Variants in KCNMA1 observed in about 807,000 individuals in gnomAD.
KCNMA1 encodes potassium calcium-activated channel subfamily M alpha 1.
A neutral mutation model predicts 140.0 loss-of-function variants in KCNMA1; 29 were observed. The ratio of observed to expected loss-of-function variants is 0.21; its 90% CI spans 0.15 to 0.28. KCNMA1 has a LOEUF of 0.28. Ranked by LOEUF, KCNMA1 falls within the 10% of genes least tolerant of loss-of-function variation. KCNMA1 has a pLI of 1.00. For missense variants in KCNMA1, 880 were observed against 1,602.2 expected (o/e 0.55, Z 7.70); for synonymous variants, 612 against 611.9 (o/e 1.00, Z 0.00).
intron 3 of KCNMA1, among the ~76,000 whole-genome samples, chr10:77,197,888 G>T (rs1016958849): frequency 6.6e-6 from 1 of 152,146 alleles, no homozygotes; most frequent in Non-Finnish European, 1.5e-5. Flanking sequence ...GCAGAAAAAT[G>T]TTCAAACCAC....
intron 1 of KCNMA1, among the ~76,000 whole-genome samples, chr10:77,438,090 T>A (rs1024284622): frequency 6.6e-6 from 1 of 152,106 alleles, no homozygotes; most frequent in African/African-American, 2.4e-5. Flanking sequence ...AGAGATGGGA[T>A]CCCACTGTGT....
At chr10:77,241,718 C>T (rs981775438) in intron 3 of KCNMA1, among the ~76,000 whole-genome samples, 1 of 152,148 alleles carries the variant, frequency 6.6e-6, no homozygotes, top group South Asian at 2.1e-4. Context: ...GAGACTGAGA[C>T]TGAAGGATCA....
intron 1 of KCNMA1, among the ~76,000 whole-genome samples, chr10:77,429,795 G>A (rs1196954618): frequency 6.6e-6 from 1 of 151,742 alleles, no homozygotes; most frequent in Non-Finnish European, 1.5e-5. Context: ...ATGTTAATAT[G>A]TATCTATCAT....
At chr10:77,098,037 G>T (rs777470900) in intron 9 of KCNMA1, among the ~76,000 whole-genome samples, 3 of 152,194 alleles carry the variant, frequency 2.0e-5, no homozygotes, top group African/African-American at 4.8e-5. Flanking sequence ...GCATCTTATC[G>T]CATGCAGACA....
chr10:77,637,779 G>A lies in KCNMA1; in HGVS notation c.-137C>T, dbSNP rs1316286311. Reference sequence around the variant, plus strand: ...CCGCCGCGGAGCGCGGGAGGGGGGCGGGGAGGCGCCTGGGCTCGGGGCGCT... The same window carrying A: ...CCGCCGCGGAGCGCGGGAGGGGGGCAGGGAGGCGCCTGGGCTCGGGGCGCT... On this transcript the variant is annotated 5_prime_UTR_variant, in exon 1 of 28. Transcript: ENST00000286628. The A allele has an allele frequency of 1.6e-6, 2 of 1,290,260 alleles. No homozygotes were observed. The highest frequency in any genetic ancestry group is 1.9e-6 in the Non-Finnish European group (2 of 1,028,436). The allele number at this position is 1,290,260 out of a possible 1,614,324, so 79.9% of individuals were successfully genotyped here. A position where few individuals can be genotyped will look rare whatever the true frequency, so the allele number is the denominator to read the frequency against.
chr10:77,481,327 TG>T (rs2098393043), intron 1 of KCNMA1, among the ~76,000 whole-genome samples: 1 of 152,150 alleles, frequency 6.6e-6, no homozygotes, highest in East Asian at 1.9e-4. Flanking sequence ...GTTGATGGAC[TG>T]GTCAGTTGAT....
At chr10:77,634,915 G>A (rs2093601045) in intron 1 of KCNMA1, 1 of 152,418 alleles carries the variant, frequency 6.6e-6, no homozygotes, top group South Asian at 2.1e-4. Context: ...TATGGCTTAA[G>A]TGAGCAAATC....
chr10:77,133,798 C>G (rs996020545), intron 5 of KCNMA1, among the ~76,000 whole-genome samples: 1 of 152,112 alleles, frequency 6.6e-6, no homozygotes, highest in African/African-American at 2.4e-5. Context: ...TAGGAACACA[C>G]ATTCTTTAAT....
At position 77,047,735 on chromosome 10, in the gene KCNMA1, C is replaced by A. The variant is rs941618614; in HGVS notation, c.1750-8098G>T. On this transcript the variant is annotated intron_variant, in intron 14 of 27. Coordinates refer to ENST00000286628, the MANE Select transcript of KCNMA1 (RefSeq NM_001161352.2). Reference sequence around the variant, plus strand: ...TTCAGAGAGGAATTTGGTTTTGCAACCTTGCTAATAGTAAAGAACATATTT... The same window carrying A: ...TTCAGAGAGGAATTTGGTTTTGCAAACTTGCTAATAGTAAAGAACATATTT... 8.6e-5 allele frequency among the ~76,000 whole-genome samples: 13 copies of A among 151,856 alleles called. 1 individual carries two copies. Among genetic ancestry groups the A allele is most frequent in the Admixed American group, 8.5e-4 (13 of 15,250 alleles).
chr10:77,370,772 T>C (rs1443588361), intron 2 of KCNMA1, among the ~76,000 whole-genome samples: 1 of 152,200 alleles, frequency 6.6e-6, no homozygotes, highest in East Asian at 1.9e-4. Context: ...GGAAAAGACT[T>C]GGCCTTTGAA....
chr10:77,636,433 C>T, intron 1 of KCNMA1: 2 of 1,536,190 alleles, frequency 1.3e-6, no homozygotes, highest in Non-Finnish European at 8.7e-7. Context: ...GGAAGACGCT[C>T]CGCGTAAAAC....
intron 2 of KCNMA1, among the ~76,000 whole-genome samples, chr10:77,335,786 T>C (rs973970806): frequency 9.9e-5 from 15 of 152,168 alleles, no homozygotes; most frequent in African/African-American, 3.6e-4. Context: ...ACCAAGGCTC[T>C]AGGAGGTTAA....
intron 5 of KCNMA1, among the ~76,000 whole-genome samples, chr10:77,177,529 G>A (rs927567155): frequency 2.9e-5 from 4 of 135,676 alleles, no homozygotes; most frequent in Admixed American, 2.3e-4. Context: ...TTCTTTAGCA[G>A]GGTCTTACTA....
chr10:76,886,048 T>C lies in KCNMA1; in HGVS notation c.*1218A>G, dbSNP rs2151650328. 1.0e-6 allele frequency: 1 copy of C among 985,464 alleles called. No homozygotes were observed. The highest frequency in any genetic ancestry group is 6.1e-5 in the Admixed American group (1 of 16,292). The allele number at this position is 985,464 out of a possible 1,614,324, so 61.0% of individuals were successfully genotyped here. A position where few individuals can be genotyped will look rare whatever the true frequency, so the allele number is the denominator to read the frequency against. On this transcript the variant is annotated 3_prime_UTR_variant, in exon 28 of 28. Transcript: ENST00000286628. ...ATTGGGACAGCCAGCACCGCACAGC[T>C]GTGCCAACAGTTGAAGGTGGTGGCT...
intron 3 of KCNMA1, among the ~76,000 whole-genome samples, chr10:77,227,413 C>T (rs949015414): frequency 2.6e-5 from 4 of 152,122 alleles, no homozygotes; most frequent in African/African-American, 9.7e-5. Flanking sequence ...ATTATGACAT[C>T]AATGCTATAC....
intron 1 of KCNMA1, chr10:77,636,958 C>G: frequency 1.4e-6 from 2 of 1,414,454 alleles, no homozygotes; most frequent in Non-Finnish European, 1.8e-6. Context: ...CCACGGCACC[C>G]GAGCCTGTGA....
intron 19 of KCNMA1, among the ~76,000 whole-genome samples, chr10:76,973,697 C>T (rs538937284): frequency 2.9e-4 from 44 of 152,270 alleles, no homozygotes; most frequent in African/African-American, 9.4e-4. Flanking sequence ...GCAAAAGCAA[C>T]GTCTTCCAGA....
intron 2 of KCNMA1, among the ~76,000 whole-genome samples, chr10:77,302,352 A>G (rs1275559928): frequency 6.6e-6 from 1 of 152,008 alleles, no homozygotes; most frequent in Non-Finnish European, 1.5e-5. Context: ...CACTTAATTA[A>G]TGGTGTCCTG....
chr10:77,067,339 C>T (rs2095993603), intron 14 of KCNMA1, among the ~76,000 whole-genome samples: 1 of 152,164 alleles, frequency 6.6e-6, no homozygotes, highest in Non-Finnish European at 1.5e-5. Context: ...TAGACTTATA[C>T]CATTGACTTT....
Sources: gnomAD v4.1 joint callset for allele counts (sites outside exome capture counted in the v4.1 genomes callset) on GRCh38, gnomAD v4.1.1 for gene constraint, MANE v1.5 for transcripts, NCBI Gene and HGNC (gene_info 2026-07-23, HGNC 2026-07-21) for gene names.